FGD5: variants seen among roughly 807,000 people sequenced by gnomAD.
FGD5 encodes the protein FYVE, RhoGEF and PH domain-containing protein 5.
In FGD5, 28 loss-of-function variants were observed where a neutral mutation model predicts 133.4. The observed-to-expected ratio is 0.21, with a 90% CI of 0.16 to 0.29. The LOEUF is 0.29. FGD5 is among the 10% of genes least tolerant of loss of function. The probability of loss-of-function intolerance (pLI) is 1.00; values close to 1 mark genes in which losing one functional copy is unlikely to be tolerated. For missense variants in FGD5, 1,858 were observed against 1,895.2 expected (o/e 0.98, Z 0.36); for synonymous variants, 810 against 776.5 (o/e 1.04, Z -0.72).
intron 1 of FGD5, among the ~76,000 whole-genome samples, chr3:14,847,386 C>G (rs2037070632): frequency 6.6e-6 from 1 of 152,132 alleles, no homozygotes; most frequent in Non-Finnish European, 1.5e-5. Context: ...ACTGGCAGAG[C>G]AAGAGTCTCC....
At chr3:14,814,807 G>A (rs2036344978), upstream of FGD5, among the ~76,000 whole-genome samples, 1 of 152,180 alleles carries the variant, frequency 6.6e-6, no homozygotes, top group African/African-American at 2.4e-5. Flanking sequence ...TCCCTCCCCA[G>A]CACCTGCAGT....
At chr3:14,930,179 C>T (rs918666343) in intron 18 of FGD5, among the ~76,000 whole-genome samples, 2 of 152,196 alleles carry the variant, frequency 1.3e-5, no homozygotes, top group African/African-American at 4.8e-5. Context: ...TATTTCTGGA[C>T]TTTCCATTGT....
intron 1 of FGD5, among the ~76,000 whole-genome samples, chr3:14,862,248 C>A (rs1448596267): frequency 6.6e-6 from 1 of 152,216 alleles, no homozygotes; most frequent in Non-Finnish European, 1.5e-5. Flanking sequence ...CCACCTGCTC[C>A]TGCTGCCTGA....
chr3:14,823,207 G>C (rs929236293), intron 1 of FGD5, among the ~76,000 whole-genome samples: 1 of 152,148 alleles, frequency 6.6e-6, no homozygotes, highest in Admixed American at 6.5e-5. Flanking sequence ...GTGCCTCCTA[G>C]CACTGAGGAA....
chr3:14,903,607 G>T (rs2038285214), intron 9 of FGD5, among the ~76,000 whole-genome samples: 1 of 149,208 alleles, frequency 6.7e-6, no homozygotes, highest in Non-Finnish European at 1.5e-5. Flanking sequence ...TGCGGTGTTT[G>T]GTTTTTTGTT....
At chr3:14,834,788 G>A (rs2036784139) in intron 1 of FGD5, among the ~76,000 whole-genome samples, 1 of 152,104 alleles carries the variant, frequency 6.6e-6, no homozygotes, top group African/African-American at 2.4e-5. Flanking sequence ...CAGTTTAAGG[G>A]GTAAATAGCT....
chr3:14,864,878 C>G lies in FGD5; in HGVS notation c.2658+618C>G, dbSNP rs1277231389. Among the ~76,000 whole-genome samples the G allele has an allele frequency of 2.6e-5, 4 of 152,294 alleles. No homozygotes were observed. The East Asian group carries it at 5.8e-4, about 22-fold the overall frequency. On this transcript the variant is annotated intron_variant, in intron 2 of 19. Transcript: ENST00000285046. ...CTATTGGACACTCATGGTGAGCCGGCCTTCACCTACTCACTGACAAAGTCC... is the reference window on the plus strand; with the variant it reads ...CTATTGGACACTCATGGTGAGCCGGGCTTCACCTACTCACTGACAAAGTCC...
At chr3:14,857,806 A>G (rs2037313503) in intron 1 of FGD5, among the ~76,000 whole-genome samples, 1 of 152,170 alleles carries the variant, frequency 6.6e-6, no homozygotes, top group Non-Finnish European at 1.5e-5. Flanking sequence ...AAACACCACC[A>G]GTAGCTAATA....
chr3:14,857,819 T>TAATGAGGACCTTCTTTGTGCCACTTCTG (rs2125099839), intron 1 of FGD5, among the ~76,000 whole-genome samples: 1 of 152,270 alleles, frequency 6.6e-6, no homozygotes, highest in African/African-American at 2.4e-5. Flanking sequence ...AGCTAATATC[T>TAATGAGGACCTTCTTTGTGCCACTTCTG]AATGAGGACC....
intron 4 of FGD5, among the ~76,000 whole-genome samples, chr3:14,883,408 G>A (rs1032019017): frequency 2.0e-5 from 3 of 152,010 alleles, no homozygotes; most frequent in South Asian, 2.1e-4. Context: ...ATCTCTACCC[G>A]TCCACCTAGC....
upstream of FGD5, among the ~76,000 whole-genome samples, chr3:14,816,656 A>G (rs898326929): frequency 6.6e-6 from 1 of 152,198 alleles, no homozygotes; most frequent in Non-Finnish European, 1.5e-5. Context: ...TAGCTGAAGC[A>G]TATCTTTTTA....
chr3:14,907,575 C>G, intron 9 of FGD5, 65 bp from the exon 10 acceptor site: 1 of 1,465,246 alleles, frequency 6.8e-7, no homozygotes, highest in Non-Finnish European at 9.5e-7. Context: ...CCATGCCTTA[C>G]AGAGGAGATA....
At chr3:14,864,312 G>C (rs373300066) in intron 2 of FGD5, 52 bp downstream of exon 2, 1 of 1,611,958 alleles carries the variant, frequency 6.2e-7, no homozygotes, top group Non-Finnish European at 8.5e-7. Context: ...AGGGTGGAGA[G>C]ATGGCTGTAA....
At chr3:14,918,859 C>T (rs757782966) in intron 13 of FGD5, 26 bp downstream of exon 13, 53 of 1,611,354 alleles carry the variant, frequency 3.3e-5, no homozygotes, top group African/African-American at 1.1e-4. Context: ...GGGAGGATGG[C>T]GCACAAGGCA....
At chr3:14,893,147 G>T (rs941533912) in intron 4 of FGD5, among the ~76,000 whole-genome samples, 1 of 152,144 alleles carries the variant, frequency 6.6e-6, no homozygotes. Context: ...TTGTGAGAAA[G>T]AAATCTTTAT....
intron 9 of FGD5, among the ~76,000 whole-genome samples, chr3:14,906,422 CCT>C (rs2125139595): frequency 6.6e-6 from 1 of 152,320 alleles, no homozygotes; most frequent in East Asian, 1.9e-4. Context: ...GTGCAGCTTT[CCT>C]CTCTTTCCCT....
intron 1 of FGD5, among the ~76,000 whole-genome samples, chr3:14,855,090 C>T (rs944716916): frequency 6.6e-6 from 1 of 152,014 alleles, no homozygotes; most frequent in African/African-American, 2.4e-5. Context: ...TTTTAGTTTC[C>T]ACATATGAGT....
At chr3:14,905,807 T>G (rs1361196424) in intron 9 of FGD5, among the ~76,000 whole-genome samples, 1 of 151,994 alleles carries the variant, frequency 6.6e-6, no homozygotes, top group Admixed American at 6.6e-5. Flanking sequence ...TGAGTTGGGG[T>G]TGGGGAGTTT....
rs993519943 is a variant in FGD5, at chr3:14,827,358, G to A, written c.2525+5762G>A. ...GGCTGGAGTGCAGTGGCGCGATCTC[G>A]GCTCACTGCAAGCTCCGCCTCCCAG... On this transcript the variant is annotated intron_variant, in intron 1 of 19. Transcript: ENST00000285046. Among the ~76,000 whole-genome samples the A allele has an allele frequency of 1.2e-4, 17 of 146,392 alleles. No individual in the cohort carries two copies. The South Asian group carries it at 2.2e-3, about 19-fold the overall frequency.
Sources: gnomAD v4.1 joint callset for allele counts (sites outside exome capture counted in the v4.1 genomes callset) on GRCh38, gnomAD v4.1.1 for gene constraint, MANE v1.5 for transcripts, NCBI Gene and HGNC (gene_info 2026-07-23, HGNC 2026-07-21) for gene names.